The following GRIP2 variants were observed in gnomAD, a reference collection of about 807,000 sequenced individuals.
GRIP2 encodes the protein glutamate receptor interacting protein 2.
A neutral mutation model predicts 108.3 loss-of-function variants in GRIP2; 58 were observed. The observed-to-expected ratio is 0.54, with a 90% CI of 0.43 to 0.67. The LOEUF (loss-of-function observed/expected upper bound fraction) is 0.67, where lower values mean the gene tolerates loss of function less well. Ranked by LOEUF, GRIP2 falls within the 30% of genes least tolerant of loss-of-function variation. The pLI, the probability that GRIP2 is intolerant of heterozygous loss-of-function variation, is 0.00. For missense variants in GRIP2, 1,278 were observed against 1,430.6 expected, an observed-to-expected ratio of 0.89 and a Z score of 1.72; for synonymous variants, 586 against 598.2, an observed-to-expected ratio of 0.98 and a Z score of 0.30.
At chr3:14,496,643 C>T in intron 21 of GRIP2, 83 bp from the exon 22 acceptor site, 1 of 1,503,466 alleles carries the variant, frequency 6.7e-7, no homozygotes, top group Middle Eastern at 1.8e-4. Flanking sequence ...CTACTATGTG[C>T]CAGCCACAAA....
At position 14,505,613 on chromosome 3, in the gene GRIP2, A is replaced by G; in HGVS notation, c.2573+2T>C. 1.9e-6 allele frequency: 3 copies of G among 1,607,584 alleles called. No homozygotes were observed. The highest frequency in any genetic ancestry group is 2.5e-6 in the Non-Finnish European group (3 of 1,177,334). ...CTCCTTCACGGTGCTCCCACCACAG[A>G]CCTCGTTGGCGGCTCCCAATCATCC... is the stretch of plus-strand genomic sequence containing the variant. On this transcript the variant is annotated splice_donor_variant, in intron 20 of 23. Coordinates refer to ENST00000621039, the MANE Select transcript of GRIP2 (RefSeq NM_001080423.4). LOFTEE classifies it high-confidence loss of function. The surrounding 1 kb of genome is among the most constrained non-coding windows in gnomAD (Gnocchi z 4.2).
chr3:14,503,799 G>C (rs1440316586), intron 20 of GRIP2, 128 bp from the exon 21 acceptor site: 1 of 596,354 alleles, frequency 1.7e-6, no homozygotes, highest in Non-Finnish European at 3.0e-6. Flanking sequence ...GGGCGGGCAG[G>C]CAGGCGGGCG....
At chr3:14,544,272 T>C (rs371273619), upstream of GRIP2, among the ~76,000 whole-genome samples, 4 of 152,144 alleles carry the variant, frequency 2.6e-5, no homozygotes, top group East Asian at 7.7e-4. Flanking sequence ...ACATTGTCTC[T>C]CAGTGGGGCA....
At chr3:14,573,375 C>T in the GRIP2 span, 111 of 1,331,376 alleles carry the variant, frequency 8.3e-5, no homozygotes, top group African/African-American at 1.4e-3. Context: ...CTCCAGGTCC[C>T]GCGGGATGGT....
At chr3:14,514,797 T>G (rs1240524409) in intron 11 of GRIP2, among the ~76,000 whole-genome samples, 3 of 152,250 alleles carry the variant, frequency 2.0e-5, no homozygotes, top group South Asian at 2.1e-4. Context: ...TCTACTGTAG[T>G]ATCTACTATA....
At chr3:14,530,227 T>C (rs553869750) in intron 1 of GRIP2, among the ~76,000 whole-genome samples, 14 of 150,826 alleles carry the variant, frequency 9.3e-5, no homozygotes, top group Admixed American at 7.3e-4. Context: ...CCTGGCTTTA[T>C]GCCGGGGTCT....
In GRIP2 at chr3:14,491,538, T is replaced by A. The variant is rs1367478798; in HGVS notation, c.*2127A>T. The stretch of plus-strand genomic sequence containing the variant: ...ATGAGAAGCCAGAAGAAATATTGCA[T>A]ATGAGGAGGCCGGCATGGCTGGGAG... On this transcript the variant is annotated 3_prime_UTR_variant, in exon 24 of 24. Transcript: ENST00000621039. 1 of 152,170 alleles carries A rather than the reference T, an allele frequency of 6.6e-6. No individual in the cohort carries two copies. Among genetic ancestry groups the A allele is most frequent in the African/African-American group, 2.4e-5 (1 of 41,430 alleles). 9.4% of individuals were successfully genotyped at this position (152,170 alleles called of 1,614,324 possible).
At position 14,511,056 on chromosome 3, in the gene GRIP2, G is replaced by A. The variant is rs914299807; in HGVS notation, c.1933+109C>T. Reference sequence around the variant, plus strand: ...TTCATTCCAGCCAGCCTTCAGCAGCGCCCACCACCCTCCCTTCCTCGGCTG... The same window carrying A: ...TTCATTCCAGCCAGCCTTCAGCAGCACCCACCACCCTCCCTTCCTCGGCTG... On this transcript the variant is annotated intron_variant, in intron 16 of 23. Transcript: ENST00000621039. This position sits in a 1 kb window ranked among gnomAD's most constrained non-coding sequence, Gnocchi z 4.1. 59 of 1,309,362 alleles carry A rather than the reference G, an allele frequency of 4.5e-5. No homozygotes were observed. In the African/African-American group the frequency reaches 5.1e-4, roughly 11 times the overall value. 81.1% of individuals were successfully genotyped at this position (1,309,362 alleles called of 1,614,324 possible).
Position 14,506,784 on chromosome 3 carries a change from G to A in GRIP2, c.2398+17C>T. The A allele has an allele frequency of 6.4e-7, 1 of 1,566,856 alleles. No individual in the cohort carries two copies. The highest frequency in any genetic ancestry group is 8.7e-7 in the Non-Finnish European group (1 of 1,154,904). On this transcript the variant is annotated intron_variant, in intron 19 of 23. Coordinates refer to ENST00000621039, the MANE Select transcript of GRIP2 (RefSeq NM_001080423.4). ...TAGAGAGAGCGTGCCACTTGTCCAA[G>A]GGCCCCAAGGTATTACCTGGGCCCC...
chr3:14,590,694 C>T, the GRIP2 span, among the ~76,000 whole-genome samples: 7 of 152,176 alleles, frequency 4.6e-5, no homozygotes, highest in Non-Finnish European at 8.8e-5. Flanking sequence ...CTTTCAACCG[C>T]CTAACGAGGA....
At position 14,514,851 on chromosome 3, in the gene GRIP2, T is replaced by C. The variant is rs1421890301; in HGVS notation, c.1307-373A>G. ...CGGTAAGAGGTTTATTGAGATATAA[T>C]TTACATACCACAGTAGTCACCTATT... On this transcript the variant is annotated intron_variant, in intron 11 of 23. Transcript: ENST00000621039. 2.0e-5 allele frequency among the ~76,000 whole-genome samples: 3 copies of C among 152,358 alleles called. No individual in the cohort carries two copies. In the East Asian group the frequency reaches 5.8e-4, roughly 29 times the overall value.
rs954900450 is a variant in GRIP2, at chr3:14,540,141, A to G, written c.40+128T>C. 2.5e-6 allele frequency: 3 copies of G among 1,217,436 alleles called. No individual in the cohort carries two copies. The highest frequency in any genetic ancestry group is 3.4e-6 in the Non-Finnish European group (3 of 874,062). The allele number at this position is 1,217,436 out of a possible 1,614,324, so 75.4% of individuals were successfully genotyped here. ...CAAGTGTCCTGCCCCACCCTCCCCA[A>G]GCCCTGGGTCTCCAGGGAGTGGCAG... On this transcript the variant is annotated intron_variant, in intron 1 of 23. Coordinates refer to ENST00000621039, the MANE Select transcript of GRIP2 (RefSeq NM_001080423.4). The surrounding 1 kb of genome is among the most constrained non-coding windows in gnomAD (Gnocchi z 4.1).
At chr3:14,564,397 C>T in the GRIP2 span, among the ~76,000 whole-genome samples, 2 of 152,220 alleles carry the variant, frequency 1.3e-5, no homozygotes, top group Non-Finnish European at 2.9e-5. Context: ...ACGGCAGTGC[C>T]GGCCACCTCC....
chr3:14,571,869 T>C, the GRIP2 span, among the ~76,000 whole-genome samples: 25,507 of 152,090 alleles, frequency 0.17, 2,370 homozygotes, highest in African/African-American at 0.23. Context: ...GAAATATAAA[T>C]TCATGGCAAA....
At chr3:14,574,506 C>A in the GRIP2 span, 2 of 733,888 alleles carry the variant, frequency 2.7e-6, no homozygotes, top group Non-Finnish European at 2.5e-6. Context: ...CAGGGCCCTG[C>A]CAGTGAGGTA....
upstream of GRIP2, among the ~76,000 whole-genome samples, chr3:14,543,879 C>T (rs533468828): frequency 2.4e-4 from 37 of 152,318 alleles, no homozygotes; most frequent in African/African-American, 8.2e-4. Context: ...GATCGGGGCA[C>T]TTGTCCAAAT....
chr3:14,523,907 G>A, intron 4 of GRIP2: 3 of 571,478 alleles, frequency 5.2e-6, no homozygotes, highest in Non-Finnish European at 9.3e-6. Context: ...AGAGAGGAAA[G>A]GGCCTGCCCA....
At chr3:14,547,160 AAGG>A (rs1203593054) in intron 1 of GRIP2, among the ~76,000 whole-genome samples, 2 of 152,176 alleles carry the variant, frequency 1.3e-5, no homozygotes, top group Non-Finnish European at 2.9e-5. Flanking sequence ...TAAAGAAAGA[AAGG>A]AGGGGAGAAA....
intron 1 of GRIP2, among the ~76,000 whole-genome samples, chr3:14,539,813 A>G (rs920202705): frequency 1.3e-5 from 2 of 152,076 alleles, no homozygotes; most frequent in African/African-American, 4.8e-5. Context: ...CCTCCTGCCG[A>G]GAACCAGTCT....
Sources: gnomAD v4.1 joint callset for allele counts (sites outside exome capture counted in the v4.1 genomes callset) on GRCh38, gnomAD v4.1.1 for gene constraint, Gnocchi (gnomAD v3.1) non-coding constraint, MANE v1.5 for transcripts, NCBI Gene and HGNC (gene_info 2026-07-23, HGNC 2026-07-21) for gene names.